The following SUCLG2 variants were observed in gnomAD, a reference collection of about 807,000 sequenced individuals.
SUCLG2 encodes the protein succinate--CoA ligase [GDP-forming] subunit beta, mitochondrial.
SUCLG2 carries 42 observed loss-of-function variants against 47.9 expected under a neutral mutation model. The ratio of observed to expected loss-of-function variants is 0.88; its 90% CI spans 0.69 to 1.14. The LOEUF (loss-of-function observed/expected upper bound fraction) is 1.14, where lower values mean the gene tolerates loss of function less well. Among genes scored for constraint, SUCLG2 ranks in the 50% most tolerant of loss-of-function variants. The probability of loss-of-function intolerance (pLI) is 0.00; values close to 1 mark genes in which losing one functional copy is unlikely to be tolerated. For missense variants in SUCLG2, 571 were observed against 525.9 expected, an observed-to-expected ratio of 1.09 and a Z score of -0.84; for synonymous variants, 195 against 197.3, an observed-to-expected ratio of 0.99 and a Z score of 0.10.
At chr3:67,523,757 T>C (rs1474743304) in intron 4 of SUCLG2, among the ~76,000 whole-genome samples, 1 of 152,230 alleles carries the variant, frequency 6.6e-6, no homozygotes, top group East Asian at 1.9e-4. Flanking sequence ...GTTTGGTATA[T>C]GCTTTCAGGT....
chr3:67,583,022 T>G (rs1038347069), intron 2 of SUCLG2, among the ~76,000 whole-genome samples: 1 of 152,154 alleles, frequency 6.6e-6, no homozygotes, highest in Non-Finnish European at 1.5e-5. Flanking sequence ...CAGTTACTTG[T>G]ATGCAGTGAC....
chr3:67,422,897 C>T (rs551746270), intron 9 of SUCLG2, among the ~76,000 whole-genome samples: 1 of 151,942 alleles, frequency 6.6e-6, no homozygotes, highest in East Asian at 1.9e-4. Flanking sequence ...GTGAGGACAC[C>T]CATCACATTA....
At chr3:67,637,992 GCT>G (rs907221871) in intron 1 of SUCLG2, among the ~76,000 whole-genome samples, 54 of 152,284 alleles carry the variant, frequency 3.5e-4, no homozygotes, top group African/African-American at 1.1e-3. Flanking sequence ...CCTAGGAAGT[GCT>G]GTTTACTTTA....
intron 2 of SUCLG2, among the ~76,000 whole-genome samples, chr3:67,556,316 G>A (rs778361423): frequency 4.8e-4 from 73 of 152,130 alleles, no homozygotes; most frequent in Non-Finnish European, 9.0e-4. Context: ...TTGGAGGGCT[G>A]AATGCTGATG....
At chr3:67,370,288 A>G (rs1274808614), downstream of SUCLG2, among the ~76,000 whole-genome samples, 1 of 152,236 alleles carries the variant, frequency 6.6e-6, no homozygotes, top group East Asian at 1.9e-4. Flanking sequence ...ATAAAGAACA[A>G]TAAGTAAATG....
At chr3:67,518,444 G>C in intron 5 of SUCLG2, 108 bp from the exon 6 acceptor site, 1 of 1,020,882 alleles carries the variant, frequency 9.8e-7, no homozygotes, top group Non-Finnish European at 1.4e-6. Context: ...ATTAAAGTGT[G>C]GCATCTATCC....
intron 2 of SUCLG2, among the ~76,000 whole-genome samples, chr3:67,570,671 C>T (rs555510890): frequency 9.9e-5 from 15 of 152,236 alleles, no homozygotes; most frequent in African/African-American, 2.4e-4. Context: ...CACTGAGGCT[C>T]GGGTGAGCTT....
intron 9 of SUCLG2, among the ~76,000 whole-genome samples, chr3:67,489,527 C>T (rs1455702575): frequency 2.0e-5 from 3 of 152,058 alleles, no homozygotes; most frequent in African/African-American, 7.2e-5. Flanking sequence ...CTTTTCCACT[C>T]TATATGAAAA....
At chr3:67,391,149 T>A (rs1702371077) in intron 10 of SUCLG2, among the ~76,000 whole-genome samples, 1 of 152,218 alleles carries the variant, frequency 6.6e-6, no homozygotes, top group African/African-American at 2.4e-5. Flanking sequence ...AAAACAATTA[T>A]CCCACCCCCT....
chr3:67,572,007 A>T (rs1707626692), intron 2 of SUCLG2, among the ~76,000 whole-genome samples: 1 of 152,184 alleles, frequency 6.6e-6, no homozygotes, highest in Non-Finnish European at 1.5e-5. Flanking sequence ...CAATCAAGCA[A>T]TCCAGAAAGG....
chr3:67,556,682 A>G (rs1273462886), intron 2 of SUCLG2, among the ~76,000 whole-genome samples: 1 of 152,160 alleles, frequency 6.6e-6, no homozygotes, highest in African/African-American at 2.4e-5. Context: ...TCTCTGCTGC[A>G]GTTTTTTGCT....
At chr3:67,456,549 G>A (rs6810165) in intron 9 of SUCLG2, among the ~76,000 whole-genome samples, 83,132 of 151,988 alleles carry the variant, frequency 0.55, 23,908 homozygotes, top group Non-Finnish European at 0.64. Flanking sequence ...TGAGGGCATA[G>A]GGAAAAACAC....
At chr3:67,471,699 A>C (rs1704608551) in intron 9 of SUCLG2, among the ~76,000 whole-genome samples, 1 of 148,008 alleles carries the variant, frequency 6.8e-6, no homozygotes, top group Admixed American at 6.6e-5. Context: ...TTTAGGGGAG[A>C]ACCTTGGTCT....
chr3:67,414,294 G>A (rs756190240), intron 9 of SUCLG2, among the ~76,000 whole-genome samples: 32 of 152,144 alleles, frequency 2.1e-4, no homozygotes, highest in Non-Finnish European at 3.5e-4. Flanking sequence ...CTCTGCCTTG[G>A]CAGATTTGAG....
intron 1 of SUCLG2, among the ~76,000 whole-genome samples, chr3:67,635,058 G>C (rs573081355): frequency 3.3e-5 from 5 of 152,258 alleles, no homozygotes; most frequent in Admixed American, 2.6e-4. Context: ...GAAAATATCA[G>C]CTATTCTCAT....
intron 2 of SUCLG2, among the ~76,000 whole-genome samples, chr3:67,597,284 C>T (rs1708315296): frequency 6.6e-6 from 1 of 152,192 alleles, no homozygotes; most frequent in African/African-American, 2.4e-5. Context: ...CTTAGTTTTA[C>T]CTTCTCCCTT....
chr3:67,431,055 C>G (rs1178186062), intron 9 of SUCLG2, among the ~76,000 whole-genome samples: 2 of 152,162 alleles, frequency 1.3e-5, no homozygotes, highest in Non-Finnish European at 2.9e-5. Context: ...CCTTCTGAAA[C>G]TATTCCAATC....
At chr3:67,543,683 G>C (rs1706781096) in intron 2 of SUCLG2, among the ~76,000 whole-genome samples, 1 of 152,042 alleles carries the variant, frequency 6.6e-6, no homozygotes. Flanking sequence ...ATAAATAAAT[G>C]AGCAACAACC....
chr3:67,361,331 G>A (rs962541137), intron 10 of SUCLG2, among the ~76,000 whole-genome samples: 5 of 152,152 alleles, frequency 3.3e-5, no homozygotes, highest in African/African-American at 7.2e-5. Flanking sequence ...TATAAATCAC[G>A]TTGAGTTTCT....
Sources: allele counts gnomAD v4.1 joint callset (sites outside exome capture counted in the v4.1 genomes callset), GRCh38; gene constraint gnomAD v4.1.1; transcripts MANE v1.5; gene names NCBI Gene and HGNC (gene_info 2026-07-23, HGNC 2026-07-21).